AHCYL2: variants seen among roughly 807,000 people sequenced by gnomAD.
AHCYL2 encodes adenosylhomocysteinase like 2.
A neutral mutation model predicts 81.4 loss-of-function variants in AHCYL2; 28 were observed. The observed-to-expected ratio is 0.34, with a 90% confidence interval of 0.25 to 0.47. The LOEUF (loss-of-function observed/expected upper bound fraction) is 0.47. Ranked by LOEUF, AHCYL2 falls within the 20% of genes least tolerant of loss-of-function variation. AHCYL2 has a pLI of 1.00. For synonymous variants in AHCYL2, 272 were observed against 290.2 expected (o/e 0.94, Z 0.64); for missense variants, 551 against 785.1 (o/e 0.70, Z 3.56).
chr7:129,241,349 G>A (rs1222373579), intron 1 of AHCYL2, among the ~76,000 whole-genome samples: 1 of 152,178 alleles, frequency 6.6e-6, no homozygotes, highest in Non-Finnish European at 1.5e-5. Flanking sequence ...CCAGCACTTT[G>A]GGAGGCTGAG....
chr7:129,315,357 T>C (rs1011446219), intron 1 of AHCYL2, among the ~76,000 whole-genome samples: 1 of 152,170 alleles, frequency 6.6e-6, no homozygotes, highest in Non-Finnish European at 1.5e-5. Context: ...TCCCCTACTG[T>C]CCTGTGCTGC....
At chr7:129,321,649 G>C (rs1484755955) in intron 1 of AHCYL2, among the ~76,000 whole-genome samples, 1 of 150,984 alleles carries the variant, frequency 6.6e-6, no homozygotes, top group East Asian at 1.9e-4. Flanking sequence ...TATGGTTTTG[G>C]TATATGGGTA....
chr7:129,427,830 G>C lies in AHCYL2; in HGVS notation c.*785G>C, dbSNP rs1462762060. On this transcript the variant is annotated 3_prime_UTR_variant, in exon 17 of 17. Coordinates refer to ENST00000325006, the MANE Select transcript of AHCYL2 (RefSeq NM_015328.4). The surrounding 1 kb of genome is among the most constrained non-coding windows in gnomAD (Gnocchi z 5.5). ...GGGGCCAGCTCCACTGGGACCCATAGTTTTACTTCCTTGTCATTTGATTGG... is the reference window on the plus strand; with the variant it reads ...GGGGCCAGCTCCACTGGGACCCATACTTTTACTTCCTTGTCATTTGATTGG... 2.0e-5 allele frequency: 3 copies of C among 152,600 alleles called. No individual in the cohort carries two copies. The highest frequency in any genetic ancestry group is 4.4e-5 in the Non-Finnish European group (3 of 68,034). 9.5% of individuals were successfully genotyped at this position (152,600 alleles called of 1,614,324 possible). A position where few individuals can be genotyped will look rare whatever the true frequency, so the allele number is the denominator to read the frequency against.
intron 1 of AHCYL2, among the ~76,000 whole-genome samples, chr7:129,378,115 C>T (rs926509853): frequency 3.9e-5 from 6 of 151,988 alleles, no homozygotes; most frequent in African/African-American, 1.2e-4. Flanking sequence ...AGATTGAGAC[C>T]GTCCTGGCCA....
intron 1 of AHCYL2, among the ~76,000 whole-genome samples, chr7:129,282,043 T>A (rs917454961): frequency 1.3e-5 from 2 of 152,350 alleles, no homozygotes; most frequent in African/African-American, 4.8e-5. Context: ...TTTGCAGATA[T>A]TTTCCTTTGT....
intron 1 of AHCYL2, among the ~76,000 whole-genome samples, chr7:129,328,911 C>T (rs1370837569): frequency 6.6e-6 from 1 of 152,110 alleles, no homozygotes; most frequent in Non-Finnish European, 1.5e-5. Flanking sequence ...TGTTTTTCTC[C>T]TTTATTTTCT....
chr7:129,280,153 T>A (rs1253466094), intron 1 of AHCYL2, among the ~76,000 whole-genome samples: 3 of 149,042 alleles, frequency 2.0e-5, no homozygotes, highest in Non-Finnish European at 4.5e-5. Context: ...TAAATTGATC[T>A]TATAGTCTTT....
At chr7:129,252,343 T>C (rs1457925230) in intron 1 of AHCYL2, among the ~76,000 whole-genome samples, 1 of 152,264 alleles carries the variant, frequency 6.6e-6, no homozygotes, top group Non-Finnish European at 1.5e-5. Context: ...AGCAACATGA[T>C]ACTTGACAGT....
rs574340050 is a variant in AHCYL2, at chr7:129,403,908, G to A, written c.1025+423G>A. On this transcript the variant is annotated intron_variant, in intron 7 of 16. Coordinates refer to ENST00000325006, the MANE Select transcript of AHCYL2 (RefSeq NM_015328.4). ...AAAAAAAAATTGGAGCCTGCTATGA[G>A]GTAACCACATCTCAGCTTGCTATGA... 1.2e-3 allele frequency among the ~76,000 whole-genome samples: 174 copies of A among 140,094 alleles called. 1 individual carries two copies. The highest frequency in any genetic ancestry group is 7.9e-3 in the Middle Eastern group (2 of 254). The allele number at this position is 140,094 out of a possible 152,430, so 91.9% of individuals were successfully genotyped here.
intron 3 of AHCYL2, 100 bp from the exon 4 acceptor site, chr7:129,389,534 A>G (rs1795366145): frequency 5.2e-6 from 5 of 966,930 alleles, no homozygotes; most frequent in Non-Finnish European, 7.6e-6. Context: ...TAACCTGATC[A>G]GGGGAAGGAT....
intron 1 of AHCYL2, among the ~76,000 whole-genome samples, chr7:129,280,024 T>C (rs1796375010): frequency 6.6e-6 from 1 of 152,178 alleles, no homozygotes; most frequent in Admixed American, 6.5e-5. Context: ...TTCCTGGGAA[T>C]GCAGCCCAGC....
intron 1 of AHCYL2, among the ~76,000 whole-genome samples, chr7:129,335,090 T>G (rs1179964121): frequency 6.6e-6 from 1 of 152,136 alleles, no homozygotes; most frequent in African/African-American, 2.4e-5. Flanking sequence ...AAAAGAGAAG[T>G]AAAGCAGCAG....
intron 4 of AHCYL2, among the ~76,000 whole-genome samples, chr7:129,395,842 A>G (rs1795705000): frequency 6.6e-6 from 1 of 152,126 alleles, no homozygotes; most frequent in Non-Finnish European, 1.5e-5. Flanking sequence ...TTCCACATTG[A>G]CACACTTTCC....
At chr7:129,274,920 TC>T (rs1235435863) in intron 1 of AHCYL2, among the ~76,000 whole-genome samples, 2 of 152,196 alleles carry the variant, frequency 1.3e-5, no homozygotes, top group Admixed American at 6.5e-5. Flanking sequence ...TCAGCCATCT[TC>T]ATCCTTTCAG....
At chr7:129,267,994 T>A (rs1249082805) in intron 1 of AHCYL2, among the ~76,000 whole-genome samples, 1 of 151,578 alleles carries the variant, frequency 6.6e-6, no homozygotes, top group Admixed American at 6.6e-5. Flanking sequence ...TGAGGGGAAA[T>A]AGAGAGAGAG....
chr7:129,293,751 G>A (rs963152070), intron 1 of AHCYL2, among the ~76,000 whole-genome samples: 1 of 152,082 alleles, frequency 6.6e-6, no homozygotes, highest in African/African-American at 2.4e-5. Flanking sequence ...ATAGGTCAGG[G>A]ATCTAACATG....
chr7:129,351,554 A>G (rs973066424), intron 1 of AHCYL2: 2 of 152,214 alleles, frequency 1.3e-5, no homozygotes, highest in Admixed American at 1.3e-4. Context: ...GGGAAAGGTG[A>G]AAAGGAAATC....
chr7:129,241,347 T>C (rs187761836), intron 1 of AHCYL2, among the ~76,000 whole-genome samples: 12 of 152,290 alleles, frequency 7.9e-5, no homozygotes, highest in Admixed American at 7.8e-4. Context: ...TCCCAGCACT[T>C]TGGGAGGCTG....
intron 1 of AHCYL2, among the ~76,000 whole-genome samples, chr7:129,277,279 T>TTG (rs1796252256): frequency 7.9e-6 from 1 of 126,702 alleles, no homozygotes; most frequent in Non-Finnish European, 1.7e-5. Context: ...AGTCTCTCTC[T>TTG]TTTTTTTTTT....
Sources: allele counts gnomAD v4.1 joint callset (sites outside exome capture counted in the v4.1 genomes callset), GRCh38; gene constraint gnomAD v4.1.1; non-coding constraint Gnocchi (gnomAD v3.1); transcripts MANE v1.5; gene names NCBI Gene and HGNC (gene_info 2026-07-23, HGNC 2026-07-21).